TPO: variants seen among roughly 807,000 people sequenced by gnomAD.
The protein encoded by TPO is thyroid microsomal antigen.
TPO carries 78 observed loss-of-function variants against 96.9 expected under a neutral mutation model. The observed-to-expected ratio is 0.81, with a 90% CI of 0.67 to 0.97. TPO has a LOEUF of 0.97. Ranked by LOEUF, TPO falls within the 50% of genes least tolerant of loss-of-function variation. TPO has a pLI of 0.00. For missense variants in TPO, 1,252 were observed against 1,274.8 expected, an observed-to-expected ratio of 0.98 and a Z score of 0.27; for synonymous variants, 547 against 538.0, an observed-to-expected ratio of 1.02 and a Z score of -0.23.
chr2:1,443,039 C>G (rs913304461), intron 5 of TPO, among the ~76,000 whole-genome samples: 12 of 152,186 alleles, frequency 7.9e-5, no homozygotes, highest in African/African-American at 2.7e-4. Flanking sequence ...AGCTCAAGAC[C>G]AGCCTGGGCA....
intron 7 of TPO, 134 bp from the exon 8 acceptor site, chr2:1,476,952 A>G: frequency 8.6e-7 from 1 of 1,160,290 alleles, no homozygotes; most frequent in South Asian, 1.6e-5. Context: ...GACTGGCTGG[A>G]CTGACCCCTA....
intron 2 of TPO, among the ~76,000 whole-genome samples, chr2:1,419,517 G>A (rs1267519696): frequency 3.3e-5 from 5 of 152,154 alleles, no homozygotes; most frequent in African/African-American, 4.8e-5. Context: ...ATCCGCAAAA[G>A]TGACCATTTC....
chr2:1,533,033 CAA>C (rs1678684600), intron 15 of TPO, among the ~76,000 whole-genome samples: 1 of 109,884 alleles, frequency 9.1e-6, no homozygotes, highest in African/African-American at 3.9e-5. Flanking sequence ...GTGCACCCCC[CAA>C]AAATCCCCCC....
At position 1,531,255 on chromosome 2, in the gene TPO, C is replaced by G. The variant is rs1394390907; in HGVS notation, c.2619-9339C>G. 1.3e-4 allele frequency among the ~76,000 whole-genome samples: 17 copies of G among 132,840 alleles called. 3 individuals carry two copies. Among genetic ancestry groups the G allele is most frequent in the Non-Finnish European group, 2.3e-4 (14 of 61,910 alleles). 87.1% of individuals were successfully genotyped at this position (132,840 alleles called of 152,430 possible). On this transcript the variant is annotated intron_variant, in intron 15 of 16. Coordinates refer to ENST00000329066, the MANE Select transcript of TPO (RefSeq NM_001206744.2). The stretch of plus-strand genomic sequence containing the variant: ...TGTGTGCAACCGCCTCATATTCCCC[C>G]CACTGTGTGGACCCTTCTCAAATCC...
intron 15 of TPO, among the ~76,000 whole-genome samples, chr2:1,523,079 T>C (rs1286197162): frequency 8.1e-6 from 1 of 123,628 alleles, no homozygotes; most frequent in Non-Finnish European, 1.6e-5. Flanking sequence ...ATCCCGACAC[T>C]GTGTGCAACC....
At chr2:1,466,151 T>C (rs1668873119) in intron 7 of TPO, among the ~76,000 whole-genome samples, 1 of 152,248 alleles carries the variant, frequency 6.6e-6, no homozygotes, top group Admixed American at 6.5e-5. Flanking sequence ...GAGACGATCA[T>C]GTGATTTCTG....
intron 11 of TPO, 84 bp from the exon 12 acceptor site, chr2:1,495,905 A>T: frequency 6.9e-7 from 1 of 1,457,946 alleles, no homozygotes; most frequent in Non-Finnish European, 9.4e-7. Flanking sequence ...CTGGCAGCAC[A>T]CAGCTGTGGG....
intron 15 of TPO, among the ~76,000 whole-genome samples, chr2:1,531,326 C>A (rs1678174313): frequency 8.9e-6 from 1 of 112,252 alleles, no homozygotes; most frequent in Non-Finnish European, 1.9e-5. Flanking sequence ...TGTGTTCAAC[C>A]TCCCCAAATC....
rs1446795819 is a variant in TPO, at chr2:1,543,580, G to A, written c.*1106G>A. 1 of 152,098 alleles carries A rather than the reference G, an allele frequency of 6.6e-6. No homozygotes were observed. The highest frequency in any genetic ancestry group is 2.4e-5 in the African/African-American group (1 of 41,400). 9.4% of individuals were successfully genotyped at this position (152,098 alleles called of 1,614,324 possible). A position where few individuals can be genotyped will look rare whatever the true frequency, so the allele number is the denominator to read the frequency against. Reference sequence around the variant, plus strand: ...AAATACCAGACTGTTGTTTTCCCTAGGTGCCAGGCCATCCTGTTCTGTGTG... The same window carrying A: ...AAATACCAGACTGTTGTTTTCCCTAAGTGCCAGGCCATCCTGTTCTGTGTG... On this transcript the variant is annotated 3_prime_UTR_variant, in exon 17 of 17. Transcript: ENST00000329066.
chr2:1,458,350 T>C (rs4927615), intron 7 of TPO, among the ~76,000 whole-genome samples: 140,597 of 151,500 alleles, frequency 0.93, 65,389 homozygotes, highest in South Asian at 0.98. Flanking sequence ...GTGTATATAG[T>C]ATATAAGACA....
chr2:1,400,186 A>T (rs1301502751), intron 1 of TPO, among the ~76,000 whole-genome samples: 4 of 152,206 alleles, frequency 2.6e-5, no homozygotes, highest in Admixed American at 6.5e-5. Context: ...AGTTGCAACC[A>T]GCTATTAATT....
At chr2:1,414,320 G>T in intron 1 of TPO, 88 bp from the exon 2 acceptor site, 3 of 1,267,540 alleles carry the variant, frequency 2.4e-6, no homozygotes, top group Non-Finnish European at 1.1e-6. Context: ...AGTGGAGGGA[G>T]CCCCTCAGCA....
intron 2 of TPO, among the ~76,000 whole-genome samples, chr2:1,415,577 T>C (rs1403071492): frequency 3.1e-5 from 4 of 130,050 alleles, no homozygotes; most frequent in Admixed American, 7.7e-5. Context: ...GACACAGTCT[T>C]GGGGCCCCTG....
rs751396098 is a variant in TPO, at chr2:1,493,966, C to T, written c.1933C>T (p.Pro645Ser). ...WLGGLAENFL[P>S]RARTGPLFAC... is the part of the protein sequence containing the mutation. Reference sequence around the variant, plus strand: ...GGGAGGCTTAGCTGAAAACTTCCTCCCCAGGGCTCGGACAGGGCCCCTGTT... The same window carrying T: ...GGGAGGCTTAGCTGAAAACTTCCTCTCCAGGGCTCGGACAGGGCCCCTGTT... The change falls in exon 11 of 17, where the codon CCC becomes TCC. Residue 645 changes from proline (P) to serine (S), a missense_variant. By Grantham distance (74) the Pro-to-Ser change is moderately conservative. Transcript: ENST00000329066. 1 of 1,614,178 alleles carries T rather than the reference C, an allele frequency of 6.2e-7. No homozygotes were observed. The highest frequency in any genetic ancestry group is 2.2e-5 in the East Asian group (1 of 44,868).
At chr2:1,528,210 TCCAATCCCCCCACTGTGTGAAACCTCCC>T (rs1677080914) in intron 15 of TPO, among the ~76,000 whole-genome samples, 1 of 41,548 alleles carries the variant, frequency 2.4e-5, no homozygotes, top group Non-Finnish European at 4.4e-5. Flanking sequence ...TGCAACCTCC[TCCAATCCCCCCACTGTGTGAAACCTCCC>T]CAAATCCCCC....
chr2:1,476,862 G>A (rs1215947079), intron 7 of TPO, among the ~76,000 whole-genome samples: 1 of 150,666 alleles, frequency 6.6e-6, no homozygotes, highest in Non-Finnish European at 1.5e-5. Flanking sequence ...GGGGGGAGGT[G>A]GGGGGCTGGC....
intron 16 of TPO, 60 bp downstream of exon 16, chr2:1,540,783 G>T (rs1680661617): frequency 7.4e-6 from 12 of 1,612,924 alleles, no homozygotes; most frequent in Non-Finnish European, 1.0e-5. Context: ...CAGGATCTGG[G>T]TGTCGGAGCA....
At chr2:1,437,456 G>A (rs937517294) in intron 5 of TPO, among the ~76,000 whole-genome samples, 4 of 150,452 alleles carry the variant, frequency 2.7e-5, no homozygotes, top group Non-Finnish European at 5.9e-5. Flanking sequence ...TGCCCCCCCC[G>A]AGAGAGGGAT....
rs535990344 is a variant in TPO at position 1,534,851 on chromosome 2, C to A, written c.2619-5743C>A. Reference sequence around the variant, plus strand: ...CCTCAAGTCCCCCACTGTGTGTAACCCCCCCAAATCCCACCACTGTGCACA... The same window carrying A: ...CCTCAAGTCCCCCACTGTGTGTAACACCCCCAAATCCCACCACTGTGCACA... On this transcript the variant is annotated intron_variant, in intron 15 of 16. Coordinates refer to ENST00000329066, the MANE Select transcript of TPO (RefSeq NM_001206744.2). Among the ~76,000 whole-genome samples the A allele has an allele frequency of 1.4e-3, 185 of 129,796 alleles. 11 individuals carry two copies. Among genetic ancestry groups the A allele is most frequent in the African/African-American group, 5.2e-3 (179 of 34,332 alleles). 85.2% of individuals were successfully genotyped at this position (129,796 alleles called of 152,430 possible). A position where few individuals can be genotyped will look rare whatever the true frequency, so the allele number is the denominator to read the frequency against.
Sources: allele counts gnomAD v4.1 joint callset (sites outside exome capture counted in the v4.1 genomes callset), GRCh38; gene constraint gnomAD v4.1.1; transcripts MANE v1.5; gene names NCBI Gene and HGNC (gene_info 2026-07-23, HGNC 2026-07-21).